ZNF747: variants seen among roughly 807,000 people sequenced by gnomAD.
ZNF747 encodes the protein zinc finger protein 747.
In ZNF747, 14 loss-of-function variants were observed where a neutral mutation model predicts 13.4. The ratio of observed to expected loss-of-function variants is 1.04; its 90% CI spans 0.69 to 1.63. The LOEUF is 1.63. Among genes scored for constraint, ZNF747 ranks in the 40% most tolerant of loss-of-function variants. The pLI is 0.00. For missense variants in ZNF747, 532 were observed against 477.9 expected (o/e 1.11, Z -1.05); for synonymous variants, 212 against 206.5 (o/e 1.03, Z -0.23).
intron 2 of ZNF747, among the ~76,000 whole-genome samples, chr16:30,533,557 T>C (rs1877597001): frequency 6.6e-6 from 1 of 151,532 alleles, no homozygotes; most frequent in Admixed American, 6.6e-5. Context: ...TGTGGGGGCA[T>C]AGGAACCATA....
Position 30,534,814 on chromosome 16 carries a change from G to C in ZNF747, c.-135C>G. Reference sequence around the variant, plus strand: ...AGGGGATGGAAACTAAGGGCCGATGGCTGCGAGTCCATGGTCAGAACTGGA... The same window carrying C: ...AGGGGATGGAAACTAAGGGCCGATGCCTGCGAGTCCATGGTCAGAACTGGA... On this transcript the variant is annotated 5_prime_UTR_variant, in exon 1 of 3. Coordinates refer to ENST00000693075, the MANE Select transcript of ZNF747 (RefSeq NM_001305018.2). The C allele has an allele frequency of 1.5e-6, 2 of 1,307,442 alleles. No individual in the cohort carries two copies. Among genetic ancestry groups the C allele is most frequent in the Non-Finnish European group, 2.0e-6 (2 of 983,670 alleles). The allele number at this position is 1,307,442 out of a possible 1,614,324, so 81.0% of individuals were successfully genotyped here.
chr16:30,531,713 C>T lies in ZNF747; in HGVS notation c.*786G>A, dbSNP rs888369756. The stretch of plus-strand genomic sequence containing the variant: ...GCTGGGGCAGGAGGATTCCTTGAGC[C>T]CAGCAGGTCTAGGCTGCAGTGAGCC... On this transcript the variant is annotated 3_prime_UTR_variant, in exon 3 of 3. Transcript: ENST00000693075. The T allele has an allele frequency of 3.9e-5, 6 of 152,188 alleles. No homozygotes were observed. Among genetic ancestry groups the T allele is most frequent in the African/African-American group, 1.4e-4 (6 of 41,422 alleles). 9.4% of individuals were successfully genotyped at this position (152,188 alleles called of 1,614,324 possible).
In ZNF747 at chr16:30,532,849, C is replaced by T. The variant is rs1217232119; in HGVS notation, c.646G>A (p.Gly216Ser). 7 of 1,585,010 alleles carry T rather than the reference C, an allele frequency of 4.4e-6. No individual in the cohort carries two copies. The highest frequency in any genetic ancestry group is 2.3e-5 in the East Asian group (1 of 44,172). ...GEKPFHCADCGKGFGHASSLS... is the reference protein window; with the variant it reads ...GEKPFHCADCSKGFGHASSLS... Reference sequence around the variant, plus strand: ...GAGGAAGCGTGGCCGAAGCCCTTGCCGCAGTCTGCGCAGTGGAAGGGCTTC... The same window carrying T: ...GAGGAAGCGTGGCCGAAGCCCTTGCTGCAGTCTGCGCAGTGGAAGGGCTTC... The change falls in exon 3 of 3, where the codon GGC becomes AGC. Residue 216 changes from glycine to serine, a missense_variant. Transcript: ENST00000693075.
Position 30,532,424 on chromosome 16 carries a change from G to C in ZNF747, c.*75C>G. The C allele has an allele frequency of 1.3e-6, 2 of 1,504,782 alleles. No homozygotes were observed. Among genetic ancestry groups the C allele is most frequent in the Non-Finnish European group, 1.8e-6 (2 of 1,116,256 alleles). 93.2% of individuals were successfully genotyped at this position (1,504,782 alleles called of 1,614,324 possible). ...CGGTGGATTCTGGGACCTCCCTGCA[G>C]GCCGCTGCAGAGGTTCGGGCCCCTG... On this transcript the variant is annotated 3_prime_UTR_variant, in exon 3 of 3. Coordinates refer to ENST00000693075, the MANE Select transcript of ZNF747 (RefSeq NM_001305018.2).
Position 30,534,714 on chromosome 16 carries a change from C to G in ZNF747, c.-35G>C. 13 of 1,481,786 alleles carry G rather than the reference C, an allele frequency of 8.8e-6. No homozygotes were observed. Among genetic ancestry groups the G allele is most frequent in the Non-Finnish European group, 1.2e-5 (13 of 1,118,906 alleles). The allele number at this position is 1,481,786 out of a possible 1,614,324, so 91.8% of individuals were successfully genotyped here. A position where few individuals can be genotyped will look rare whatever the true frequency, so the allele number is the denominator to read the frequency against. On this transcript the variant is annotated 5_prime_UTR_variant, in exon 1 of 3. Transcript: ENST00000693075. ...CCAGGCCTGGGCATGCGGAACCTCC[C>G]GCGCCCGAGAACACTTCCCCGGCCC... is the stretch of plus-strand genomic sequence containing the variant.
At chr16:30,533,515 A>G (rs943709714) in intron 2 of ZNF747, among the ~76,000 whole-genome samples, 1 of 152,180 alleles carries the variant, frequency 6.6e-6, no homozygotes, top group Non-Finnish European at 1.5e-5. Flanking sequence ...AAGCTGAGGC[A>G]AGAACTAAAG....
At position 30,534,524 on chromosome 16, in the gene ZNF747, G is replaced by C. The variant is rs1347592603; in HGVS notation, c.156C>G (p.Gly52=). The change falls in exon 1 of 3, where the codon GGC becomes GGG. Residue 52 remains glycine, a synonymous_variant. Transcript: ENST00000693075. ...GGGCCCTCTGCGCGGGCCGCAGGCA[G>C]CCCCACTCCTCCCGGGAGAAGTACA... The part of the protein sequence containing the change: ...VAVYFSREEW[G]CLRPAQRALY... 6.2e-7 allele frequency: 1 copy of C among 1,609,550 alleles called. No individual in the cohort carries two copies. The highest frequency in any genetic ancestry group is 1.3e-5 in the African/African-American group (1 of 74,824).
At position 30,532,772 on chromosome 16, in the gene ZNF747, G is replaced by A; in HGVS notation, c.723C>T (p.Pro241=). Reference sequence around the variant, plus strand: ...GGCGCATGAAGGCCCGACCACACTCGGGACAGCGGTGGGGCCGCTCCCCAC... The same window carrying A: ...GGCGCATGAAGGCCCGACCACACTCAGGACAGCGGTGGGGCCGCTCCCCAC... ...IHRGERPHRC[P]ECGRAFMRRT... The change falls in exon 3 of 3, where the codon CCC becomes CCT. Residue 241 remains proline (P), a synonymous_variant. Coordinates refer to ENST00000693075, the MANE Select transcript of ZNF747 (RefSeq NM_001305018.2). 2 of 1,549,336 alleles carry A rather than the reference G, an allele frequency of 1.3e-6. No individual in the cohort carries two copies. The highest frequency in any genetic ancestry group is 1.4e-5 in the African/African-American group (1 of 73,550).
At chr16:30,534,068 C>G in intron 2 of ZNF747, 129 bp downstream of exon 2, 1 of 1,343,280 alleles carries the variant, frequency 7.4e-7, no homozygotes, top group Non-Finnish European at 9.8e-7. Context: ...AGGGGCTCAG[C>G]CTCCTGGCCG....
rs1567503477 is a variant in ZNF747 at position 30,534,266 on chromosome 16, TCTC to T, written c.271_273del (p.Glu91del). 2 of 1,598,568 alleles carry T rather than the reference TCTC, an allele frequency of 1.3e-6. No individual in the cohort carries two copies. The highest frequency in any genetic ancestry group is 2.3e-5 in the East Asian group (1 of 43,612). ...GCAGCCGGATCCCACAGTTCGGCCT[TCTC>T]CTCCACCCAGGAGATGAGCGCCGGC... On this transcript the variant is annotated inframe_deletion, in exon 2 of 3. Coordinates refer to ENST00000693075, the MANE Select transcript of ZNF747 (RefSeq NM_001305018.2).
In ZNF747 at chr16:30,534,315, G is replaced by C; in HGVS notation, c.230-5C>G. On this transcript the variant is annotated splice_polypyrimidine_tract_variant and splice_region_variant and intron_variant, in intron 1 of 2. Transcript: ENST00000693075. The stretch of plus-strand genomic sequence containing the variant: ...CCGGCTTGCTGCCTCCGACTCCTGG[G>C]GGAGAAGAACGCAAACCCCACGCTG... 1 of 1,568,470 alleles carries C rather than the reference G, an allele frequency of 6.4e-7. No homozygotes were observed. The highest frequency in any genetic ancestry group is 8.6e-7 in the Non-Finnish European group (1 of 1,157,086).
chr16:30,531,813 A>C lies in ZNF747; in HGVS notation c.*686T>G, dbSNP rs986041259. ...TAATAAGTAAATAAATAAACAAAAA[A>C]AACAGACAATGGGTATTGTCTTGTG... On this transcript the variant is annotated 3_prime_UTR_variant, in exon 3 of 3. Transcript: ENST00000693075. The C allele has an allele frequency of 2.6e-5, 4 of 152,374 alleles. No homozygotes were observed. The highest frequency in any genetic ancestry group is 9.7e-5 in the African/African-American group (4 of 41,382). 9.4% of individuals were successfully genotyped at this position (152,374 alleles called of 1,614,324 possible). A position where few individuals can be genotyped will look rare whatever the true frequency, so the allele number is the denominator to read the frequency against.
rs1198524543 is a variant in ZNF747 at position 30,531,434 on chromosome 16, T to TCAATACAG, written c.*1057_*1064dup. On this transcript the variant is annotated 3_prime_UTR_variant, in exon 3 of 3. Transcript: ENST00000693075. Reference sequence around the variant, plus strand: ...CTTAAAAACACTGCCTGGGCCCAAATCAATACAGCAACTGCAGGCGAGATC... The same window carrying TCAATACAG: ...CTTAAAAACACTGCCTGGGCCCAAATCAATACAGCAATACAGCAACTGCAGGCGAGATC... 6.6e-6 allele frequency: 1 copy of TCAATACAG among 152,216 alleles called. No homozygotes were observed. The highest frequency in any genetic ancestry group is 1.5e-5 in the Non-Finnish European group (1 of 68,032). The allele number at this position is 152,216 out of a possible 1,614,324, so 9.4% of individuals were successfully genotyped here.
Position 30,533,061 on chromosome 16 carries a change from A to G in ZNF747, c.434T>C (p.Leu145Pro). 1 of 1,612,846 alleles carries G rather than the reference A, an allele frequency of 6.2e-7. No homozygotes were observed. Among genetic ancestry groups the G allele is most frequent in the Non-Finnish European group, 8.5e-7 (1 of 1,180,000 alleles). The change falls in exon 3 of 3, where the codon CTG becomes CCG. Residue 145 changes from leucine to proline, a missense_variant. Leu to Pro is a moderately conservative substitution (Grantham distance 98, BLOSUM62 -3). Coordinates refer to ENST00000693075, the MANE Select transcript of ZNF747 (RefSeq NM_001305018.2). ...PDPVAAGSPG[L>P]KAPQAPFAGL... is the part of the protein sequence containing the mutation. ...GGCAAAGGGGGCTTGGGGAGCCTTC[A>G]GCCCAGGAGACCCGGCGGCCACAGG...
At chr16:30,533,473 G>A (rs561595132) in intron 2 of ZNF747, among the ~76,000 whole-genome samples, 8 of 152,306 alleles carry the variant, frequency 5.3e-5, no homozygotes, top group Non-Finnish European at 7.4e-5. Context: ...AGGAGGGCAT[G>A]GCCAAGTTCA....
Position 30,532,266 on chromosome 16 carries a change from G to C in ZNF747, c.*233C>G, listed in dbSNP as rs909748539. On this transcript the variant is annotated 3_prime_UTR_variant, in exon 3 of 3. Coordinates refer to ENST00000693075, the MANE Select transcript of ZNF747 (RefSeq NM_001305018.2). ...CTTTTGCTTCCCTGTATGGAGGTCT[G>C]GGGGGTTCTCACCTCAGCCCTGCCT... 1.7e-6 allele frequency: 1 copy of C among 601,268 alleles called. No individual in the cohort carries two copies. Among genetic ancestry groups the C allele is most frequent in the Non-Finnish European group, 2.9e-6 (1 of 339,022 alleles). 37.2% of individuals were successfully genotyped at this position (601,268 alleles called of 1,614,324 possible).
Position 30,532,525 on chromosome 16 carries a change from G to T in ZNF747, c.970C>A (p.Pro324Thr), listed in dbSNP as rs754123255. The T allele has an allele frequency of 1.9e-6, 3 of 1,606,070 alleles. No homozygotes were observed. The South Asian group carries it at 3.3e-5, about 18-fold the overall frequency. Reference protein sequence around the residue: ...LDPPVGFQLYPEIFQECG With the variant: ...LDPPVGFQLYTEIFQECG Reference sequence around the variant, plus strand: ...CACCCACATTCCTGGAATATCTCTGGATACAGCTGGAAGCCCACAGGCGGG... The same window carrying T: ...CACCCACATTCCTGGAATATCTCTGTATACAGCTGGAAGCCCACAGGCGGG... Residue 324 changes from proline to threonine, a missense_variant, in exon 3 of 3, where the codon CCA (proline) becomes ACA (threonine). Physicochemically the swap from Pro to Thr is conservative, Grantham distance 38. Transcript: ENST00000693075.
rs765360934 is a variant in ZNF747 at position 30,532,623 on chromosome 16, C to A, written c.872G>T (p.Gly291Val). 4 of 1,545,494 alleles carry A rather than the reference C, an allele frequency of 2.6e-6. No individual in the cohort carries two copies. The African/African-American group carries it at 5.5e-5, about 21-fold the overall frequency. ...MAKHQWVHRP[G>V]GEGRRGRRPG... Reference sequence around the variant, plus strand: ...GCGCCGGCCCCTACGCCCCTCGCCCCCGGGCCGATGGACCCATTGGTGCTT... The same window carrying A: ...GCGCCGGCCCCTACGCCCCTCGCCCACGGGCCGATGGACCCATTGGTGCTT... The change falls in exon 3 of 3, where the codon GGG becomes GTG. Residue 291 changes from glycine to valine, a missense_variant. Gly to Val is a moderately radical substitution (Grantham distance 109, BLOSUM62 -3). Transcript: ENST00000693075.
intron 2 of ZNF747, among the ~76,000 whole-genome samples, chr16:30,533,657 C>G (rs549016611): frequency 1.3e-5 from 2 of 151,646 alleles, no homozygotes; most frequent in South Asian, 4.2e-4. Flanking sequence ...CCTGTAATCC[C>G]AGTGCTTTGG....
Sources: allele counts gnomAD v4.1 joint callset (sites outside exome capture counted in the v4.1 genomes callset), GRCh38; gene constraint gnomAD v4.1.1; transcripts MANE v1.5; gene names NCBI Gene and HGNC (gene_info 2026-07-23, HGNC 2026-07-21).